The following GALNT13 variants were observed in gnomAD, a reference collection of about 807,000 sequenced individuals.
GALNT13 encodes the protein UDP-GalNAc:polypeptide N-acetylgalactosaminyltransferase 13.
A neutral mutation model predicts 64.2 loss-of-function variants in GALNT13; 28 were observed. That is an observed-to-expected ratio of 0.44 (90% CI 0.32 to 0.60). GALNT13 has a LOEUF of 0.60. GALNT13 is among the 20% of genes least tolerant of loss of function. The pLI is 0.05. For missense variants in GALNT13, 577 were observed against 669.8 expected (o/e 0.86, Z 1.53); for synonymous variants, 214 against 224.6 (o/e 0.95, Z 0.42).
the GALNT13 span, among the ~76,000 whole-genome samples, chr2:153,628,313 T>C: frequency 6.6e-6 from 1 of 151,978 alleles, no homozygotes; most frequent in African/African-American, 2.4e-5. Context: ...TGACTTCCTC[T>C]TTTCCTAATT....
At chr2:153,209,689 A>G in the GALNT13 span, among the ~76,000 whole-genome samples, 1 of 152,026 alleles carries the variant, frequency 6.6e-6, no homozygotes, top group Non-Finnish European at 1.5e-5. Flanking sequence ...CAGCCTTTAT[A>G]TTTTTACAAA....
chr2:154,156,374 C>T (rs1419348118), intron 4 of GALNT13, among the ~76,000 whole-genome samples: 2 of 151,942 alleles, frequency 1.3e-5, no homozygotes, highest in Non-Finnish European at 2.9e-5. Flanking sequence ...GATAAGCTTA[C>T]GTAGCATAGT....
At chr2:153,308,470 T>C in the GALNT13 span, among the ~76,000 whole-genome samples, 1 of 152,192 alleles carries the variant, frequency 6.6e-6, no homozygotes, top group Non-Finnish European at 1.5e-5. Context: ...CATTTGAATT[T>C]CCTATGTTCA....
chr2:153,410,963 C>T, the GALNT13 span, among the ~76,000 whole-genome samples: 3 of 151,510 alleles, frequency 2.0e-5, no homozygotes, highest in African/African-American at 7.3e-5. Context: ...TCTGTCTAAT[C>T]ATCTCAAACC....
chr2:153,292,723 G>C, the GALNT13 span, among the ~76,000 whole-genome samples: 3 of 152,206 alleles, frequency 2.0e-5, no homozygotes, highest in South Asian at 6.2e-4. Context: ...TGGAACCAGG[G>C]CTTGGGCAGT....
chr2:153,844,444 C>T, the GALNT13 span, among the ~76,000 whole-genome samples: 2 of 152,206 alleles, frequency 1.3e-5, no homozygotes, highest in Non-Finnish European at 1.5e-5. Context: ...GATAGCAGGG[C>T]CCTGGACCAG....
At chr2:153,714,021 A>G in the GALNT13 span, among the ~76,000 whole-genome samples, 1 of 152,206 alleles carries the variant, frequency 6.6e-6, no homozygotes, top group Non-Finnish European at 1.5e-5. Flanking sequence ...TCTTAGGGAA[A>G]GTTCCCAGGG....
chr2:153,742,315 A>AT, the GALNT13 span, among the ~76,000 whole-genome samples: 88 of 151,770 alleles, frequency 5.8e-4, no homozygotes, highest in Non-Finnish European at 8.5e-4. Flanking sequence ...AAATTCGTAA[A>AT]TTTTTTTTTA....
At chr2:153,494,255 AT>A in the GALNT13 span, among the ~76,000 whole-genome samples, 1 of 151,994 alleles carries the variant, frequency 6.6e-6, no homozygotes, top group Admixed American at 6.6e-5. Flanking sequence ...TCCAATCCAA[AT>A]TTTCCACAGA....
chr2:153,820,476 A>T, the GALNT13 span, among the ~76,000 whole-genome samples: 1 of 152,160 alleles, frequency 6.6e-6, no homozygotes, highest in African/African-American at 2.4e-5. Context: ...GGACAGTTAG[A>T]AAAAATATCA....
chr2:153,764,496 A>G, the GALNT13 span, among the ~76,000 whole-genome samples: 6 of 152,314 alleles, frequency 3.9e-5, no homozygotes, highest in South Asian at 2.1e-4. Flanking sequence ...AGATTGCACC[A>G]TTGCACTACA....
chr2:153,638,830 C>G, the GALNT13 span, among the ~76,000 whole-genome samples: 1 of 151,986 alleles, frequency 6.6e-6, no homozygotes, highest in Admixed American at 6.6e-5. Context: ...AGTGAAGATA[C>G]TCAAGAGATC....
intron 11 of GALNT13, among the ~76,000 whole-genome samples, chr2:154,423,395 A>G (rs551200529): frequency 2.0e-4 from 31 of 152,290 alleles, no homozygotes; most frequent in African/African-American, 6.5e-4. Context: ...TCTTTATAGT[A>G]GCATGATTTG....
At chr2:154,400,893 T>A (rs1223484289) in intron 10 of GALNT13, among the ~76,000 whole-genome samples, 2 of 151,848 alleles carry the variant, frequency 1.3e-5, no homozygotes, top group African/African-American at 4.8e-5. Context: ...TAAAATAGAA[T>A]GTCTCAGCCC....
At chr2:153,807,832 C>T in the GALNT13 span, among the ~76,000 whole-genome samples, 1 of 151,934 alleles carries the variant, frequency 6.6e-6, no homozygotes, top group African/African-American at 2.4e-5. Flanking sequence ...CATTTTGTGA[C>T]TTTTTGTTTA....
At chr2:153,409,188 T>C in the GALNT13 span, among the ~76,000 whole-genome samples, 1 of 151,864 alleles carries the variant, frequency 6.6e-6, no homozygotes, top group Non-Finnish European at 1.5e-5. Flanking sequence ...ACTGCTGGCT[T>C]CCTTGCTTCT....
chr2:153,917,423 C>T (rs537194012), intron 2 of GALNT13, among the ~76,000 whole-genome samples: 3 of 152,110 alleles, frequency 2.0e-5, no homozygotes, highest in Non-Finnish European at 2.9e-5. Flanking sequence ...CAATAACCTT[C>T]TGGTTTTTAT....
At chr2:153,675,558 G>A in the GALNT13 span, among the ~76,000 whole-genome samples, 1 of 152,104 alleles carries the variant, frequency 6.6e-6, no homozygotes, top group African/African-American at 2.4e-5. Flanking sequence ...GTGGGGGGCT[G>A]GGGGAGGGAT....
chr2:153,482,297 G>A, the GALNT13 span, among the ~76,000 whole-genome samples: 8 of 152,038 alleles, frequency 5.3e-5, no homozygotes, highest in South Asian at 1.7e-3. Context: ...ACAACAGAAG[G>A]AAAAAACAGA....
Sources: gnomAD v4.1 joint callset for allele counts (sites outside exome capture counted in the v4.1 genomes callset) on GRCh38, gnomAD v4.1.1 for gene constraint, MANE v1.5 for transcripts, NCBI Gene and HGNC (gene_info 2026-07-23, HGNC 2026-07-21) for gene names.